Variants in VPS35L observed in about 807,000 individuals in gnomAD.
VPS35L encodes VPS35 endosomal protein sorting factor like.
A neutral mutation model predicts 133.0 loss-of-function variants in VPS35L; 83 were observed. The ratio of observed to expected loss-of-function variants is 0.62; its 90% CI spans 0.52 to 0.75. The LOEUF is 0.75. VPS35L is among the 30% of genes least tolerant of loss of function. The pLI, the probability that VPS35L is intolerant of heterozygous loss-of-function variation, is 0.00. For synonymous variants in VPS35L, 423 were observed against 449.9 expected (o/e 0.94, Z 0.76); for missense variants, 1,083 against 1,206.8 (o/e 0.90, Z 1.52).
chr16:19,668,095 C>T (rs1974755368), intron 26 of VPS35L, among the ~76,000 whole-genome samples: 1 of 152,240 alleles, frequency 6.6e-6, no homozygotes, highest in Admixed American at 6.5e-5. Context: ...TAAACATAGG[C>T]CTTTCTTCCC....
intron 26 of VPS35L, among the ~76,000 whole-genome samples, chr16:19,661,426 T>C (rs1444792576): frequency 6.6e-6 from 1 of 152,204 alleles, no homozygotes; most frequent in African/African-American, 2.4e-5. Flanking sequence ...AATGTGGAAC[T>C]CTATTGTTCA....
intron 23 of VPS35L, among the ~76,000 whole-genome samples, chr16:19,647,264 TATGAAACATGATAG>T (rs1973980357): frequency 6.6e-6 from 1 of 152,220 alleles, no homozygotes; most frequent in Non-Finnish European, 1.5e-5. Context: ...GGAAATCAGA[TATGAAACATGATAG>T]CTGTAATGGA....
At position 19,700,532 on chromosome 16, in the gene VPS35L, C is replaced by A; in HGVS notation, c.*56C>A. Reference sequence around the variant, plus strand: ...CTGGTGCCAAATCCAGAAAGATCTGCTCTGCTGCCCTGAACTCTTACGGCA... The same window carrying A: ...CTGGTGCCAAATCCAGAAAGATCTGATCTGCTGCCCTGAACTCTTACGGCA... On this transcript the variant is annotated 3_prime_UTR_variant, in exon 31 of 31. Coordinates refer to ENST00000417362, the MANE Select transcript of VPS35L (RefSeq NM_020314.7). 7.1e-7 allele frequency: 1 copy of A among 1,405,850 alleles called. No individual in the cohort carries two copies. Among genetic ancestry groups the A allele is most frequent in the Non-Finnish European group, 1.0e-6 (1 of 996,106 alleles). 87.1% of individuals were successfully genotyped at this position (1,405,850 alleles called of 1,614,324 possible). A position where few individuals can be genotyped will look rare whatever the true frequency, so the allele number is the denominator to read the frequency against.
chr16:19,669,899 G>A (rs555114437), intron 27 of VPS35L, among the ~76,000 whole-genome samples: 1 of 152,236 alleles, frequency 6.6e-6, no homozygotes, highest in East Asian at 1.9e-4. Flanking sequence ...TTGAACTCCT[G>A]ACCTCAGGTG....
chr16:19,584,552 A>G (rs150574053), intron 7 of VPS35L, among the ~76,000 whole-genome samples: 6,970 of 150,636 alleles, frequency 0.046, 323 homozygotes, highest in East Asian at 0.2. Context: ...GCTTGAACCC[A>G]GGAGGCAGAG....
chr16:19,691,729 G>A (rs113427229), intron 29 of VPS35L, among the ~76,000 whole-genome samples: 5,896 of 152,046 alleles, frequency 0.039, 354 homozygotes, highest in African/African-American at 0.13. Context: ...AGGCCTTCCC[G>A]GACCCTGTCT....
In VPS35L at chr16:19,667,965, CTT is replaced by C. The variant is rs572412401; in HGVS notation, c.2222-1194_2222-1193del. Among the ~76,000 whole-genome samples, 401 of 152,164 alleles carry C rather than the reference CTT, an allele frequency of 2.6e-3. 3 individuals are homozygous for C. Among genetic ancestry groups the C allele is most frequent in the African/African-American group, 9.2e-3 (382 of 41,510 alleles). ...AAAGAAGCTTCCAGAGCAGAGCTAA[CTT>C]GACTCAGAAAGCTTTACAAGGAGTG... On this transcript the variant is annotated intron_variant, in intron 26 of 30. Coordinates refer to ENST00000417362, the MANE Select transcript of VPS35L (RefSeq NM_020314.7).
chr16:19,693,241 A>C (rs1567494682), intron 29 of VPS35L, among the ~76,000 whole-genome samples: 1 of 152,088 alleles, frequency 6.6e-6, no homozygotes, highest in East Asian at 1.9e-4. Context: ...CTCTCCTAGA[A>C]TGATTGATAC....
intron 8 of VPS35L, among the ~76,000 whole-genome samples, chr16:19,599,644 G>A (rs1317807685): frequency 1.3e-5 from 2 of 151,466 alleles, no homozygotes; most frequent in African/African-American, 2.4e-5. Flanking sequence ...GGGACTACAC[G>A]CGTGCACCAC....
intron 15 of VPS35L, among the ~76,000 whole-genome samples, chr16:19,626,588 C>A (rs1432766604): frequency 1.3e-5 from 2 of 151,832 alleles, no homozygotes; most frequent in African/African-American, 4.8e-5. Context: ...GTGGCAAAAC[C>A]CCATCTCTAC....
chr16:19,666,919 T>C (rs35266704), intron 26 of VPS35L, among the ~76,000 whole-genome samples: 19,140 of 81,936 alleles, frequency 0.23, 1,928 homozygotes, highest in African/African-American at 0.29. Flanking sequence ...TTTCTTTCTT[T>C]CTTTCTTTCT....
intron 28 of VPS35L, among the ~76,000 whole-genome samples, chr16:19,688,729 C>T (rs979005690): frequency 6.6e-6 from 1 of 152,214 alleles, no homozygotes. Context: ...TATGCTCGGC[C>T]ACATACAAGT....
At chr16:19,640,581 G>A (rs191312981) in intron 21 of VPS35L, among the ~76,000 whole-genome samples, 10 of 152,278 alleles carry the variant, frequency 6.6e-5, no homozygotes, top group Admixed American at 6.5e-4. Context: ...GTTTAGTTAT[G>A]TAGCTGACTA....
chr16:19,675,553 TTTTTG>T (rs957564965), intron 27 of VPS35L, among the ~76,000 whole-genome samples: 3 of 151,912 alleles, frequency 2.0e-5, no homozygotes, highest in South Asian at 2.1e-4. Context: ...CTCCATACTG[TTTTTG>T]TTTTGTTTTG....
rs987847198 is a variant in VPS35L, at chr16:19,699,989, C to T, written c.2793+341C>T. On this transcript the variant is annotated intron_variant, in intron 30 of 30. Coordinates refer to ENST00000417362, the MANE Select transcript of VPS35L (RefSeq NM_020314.7). This position sits in a 1 kb window ranked among gnomAD's most constrained non-coding sequence, Gnocchi z 4.2. The stretch of plus-strand genomic sequence containing the variant: ...GTGCACATGTGTAGTCCCAGCTACT[C>T]GGGAGGCTGAAGAGGGAGGATGGCT... 6.6e-6 allele frequency among the ~76,000 whole-genome samples: 1 copy of T among 152,008 alleles called. No homozygotes were observed. Among genetic ancestry groups the T allele is most frequent in the Non-Finnish European group, 1.5e-5 (1 of 68,016 alleles).
intron 19 of VPS35L, among the ~76,000 whole-genome samples, chr16:19,634,767 T>G (rs1182663669): frequency 6.6e-6 from 1 of 152,126 alleles, no homozygotes; most frequent in Non-Finnish European, 1.5e-5. Context: ...AGAGAGATTT[T>G]GAGAGTTTGA....
chr16:19,640,190 G>T, intron 21 of VPS35L, 90 bp downstream of exon 21: 2 of 1,165,708 alleles, frequency 1.7e-6, no homozygotes, highest in Non-Finnish European at 2.5e-6. Flanking sequence ...CTTTGAGGCC[G>T]AGTGATGTGT....
intron 2 of VPS35L, among the ~76,000 whole-genome samples, chr16:19,567,563 A>T (rs1181714453): frequency 6.6e-6 from 1 of 151,976 alleles, no homozygotes; most frequent in Non-Finnish European, 1.5e-5. Context: ...CAGCAAATGT[A>T]CCCCAATGGG....
chr16:19,669,229 A>G lies in VPS35L; in HGVS notation c.2291A>G (p.Lys764Arg). ...EVPKMINIDGKMRPSESFLLE... is the reference protein window; with the variant it reads ...EVPKMINIDGRMRPSESFLLE... ...CCAAAGATGATTAATATTGATGGGAAGATGCGGCCATCGGAATCGTTCCTT... is the reference window on the plus strand; with the variant it reads ...CCAAAGATGATTAATATTGATGGGAGGATGCGGCCATCGGAATCGTTCCTT... The change falls in exon 27 of 31, where the codon AAG becomes AGG. Residue 764 changes from lysine (K) to arginine (R), a missense_variant. Lys to Arg is a conservative substitution (Grantham distance 26, BLOSUM62 2). Transcript: ENST00000417362. The G allele has an allele frequency of 6.2e-7, 1 of 1,613,446 alleles. No individual in the cohort carries two copies. Among genetic ancestry groups the G allele is most frequent in the Non-Finnish European group, 8.5e-7 (1 of 1,179,412 alleles).
Sources: gnomAD v4.1 joint callset for allele counts (sites outside exome capture counted in the v4.1 genomes callset) on GRCh38, gnomAD v4.1.1 for gene constraint, Gnocchi (gnomAD v3.1) non-coding constraint, MANE v1.5 for transcripts, NCBI Gene and HGNC (gene_info 2026-07-23, HGNC 2026-07-21) for gene names.